Variants in INSR observed in about 807,000 individuals in gnomAD.
INSR encodes insulin receptor, also known as IR.
Under a neutral mutation model 142.6 loss-of-function variants are expected in INSR, and 67 were observed. The ratio of observed to expected loss-of-function variants is 0.47; its 90% CI spans 0.39 to 0.58. The LOEUF (loss-of-function observed/expected upper bound fraction) is 0.58, where lower values mean the gene tolerates loss of function less well. INSR is among the 20% of genes least tolerant of loss of function. The probability of loss-of-function intolerance (pLI) is 0.00; values close to 1 mark genes in which losing one functional copy is unlikely to be tolerated. For synonymous variants in INSR, 756 were observed against 743.1 expected (o/e 1.02, Z -0.28); for missense variants, 1,248 against 1,833.2 (o/e 0.68, Z 5.83).
intron 5 of INSR, among the ~76,000 whole-genome samples, chr19:7,171,640 T>C (rs1329304487): frequency 1.3e-5 from 2 of 152,078 alleles, no homozygotes; most frequent in African/African-American, 4.8e-5. Context: ...GAATGTTCAT[T>C]TTATGCATGC....
chr19:7,162,150 A>C (rs1368049919), intron 9 of INSR, among the ~76,000 whole-genome samples: 2 of 151,690 alleles, frequency 1.3e-5, no homozygotes, highest in Non-Finnish European at 2.9e-5. Context: ...AACATGGTGA[A>C]ACCCCATCTC....
At chr19:7,259,231 A>G (rs1415535825) in intron 2 of INSR, among the ~76,000 whole-genome samples, 3 of 121,790 alleles carry the variant, frequency 2.5e-5, no homozygotes, top group Admixed American at 1.6e-4. Flanking sequence ...CATTTCACCA[A>G]CTTCCCGCAA....
intron 2 of INSR, among the ~76,000 whole-genome samples, chr19:7,194,707 G>T (rs1313748906): frequency 1.4e-5 from 2 of 140,854 alleles, no homozygotes; most frequent in African/African-American, 2.7e-5. Context: ...TTTTAGTGGA[G>T]AAGCGGTTTC....
rs1975447371 is a variant in INSR at position 7,216,784 on chromosome 19, C to T, written c.653-32147G>A. 6.6e-6 allele frequency among the ~76,000 whole-genome samples: 1 copy of T among 152,180 alleles called. No individual in the cohort carries two copies. The highest frequency in any genetic ancestry group is 1.5e-5 in the Non-Finnish European group (1 of 68,038). On this transcript the variant is annotated intron_variant, in intron 2 of 21. Coordinates refer to ENST00000302850, the MANE Select transcript of INSR (RefSeq NM_000208.4). The surrounding 1 kb of genome is among the most constrained non-coding windows in gnomAD (Gnocchi z 4.2). ...TATCCATTTCCCATTGCTGCTGTCA[C>T]AAACGCCCACAAATGTAAAACGACA...
At chr19:7,184,277 T>C (rs1228303946) in intron 3 of INSR, 39 bp downstream of exon 3, 1 of 1,581,708 alleles carries the variant, frequency 6.3e-7, no homozygotes, top group East Asian at 2.2e-5. Context: ...ACGTTCCTTC[T>C]CCTCTCGGCT....
At position 7,207,948 on chromosome 19, in the gene INSR, G is replaced by GGGAGGGAA. The variant is rs1975159714; in HGVS notation, c.653-23312_653-23311insTTCCCTCC. On this transcript the variant is annotated intron_variant, in intron 2 of 21. Transcript: ENST00000302850. ...AGGAAGGAAGGAAGGAAGGGAAGGAGGGAGGGAGGGAGGGAGGGAGGCAAA... is the reference window on the plus strand; with the variant it reads ...AGGAAGGAAGGAAGGAAGGGAAGGAGGGAGGGAAGGAGGGAGGGAGGGAGGGAGGCAAA... Among the ~76,000 whole-genome samples, 78 of 124,172 alleles carry GGGAGGGAA rather than the reference G, an allele frequency of 6.3e-4. 1 individual carries two copies. Among genetic ancestry groups the GGGAGGGAA allele is most frequent in the Non-Finnish European group, 8.3e-4 (50 of 60,592 alleles). 81.5% of individuals were successfully genotyped at this position (124,172 alleles called of 152,430 possible).
chr19:7,175,225 A>G (rs937181575), intron 3 of INSR, among the ~76,000 whole-genome samples: 1 of 152,048 alleles, frequency 6.6e-6, no homozygotes, highest in African/African-American at 2.4e-5. Context: ...AAAAATGTAG[A>G]TTCTGGAGCC....
rs993825127 is a variant in INSR, at chr19:7,283,628, C to G, written c.100+10164G>C. Among the ~76,000 whole-genome samples the G allele has an allele frequency of 2.6e-5, 4 of 152,068 alleles. No homozygotes were observed. The East Asian group carries it at 7.7e-4, about 29-fold the overall frequency. On this transcript the variant is annotated intron_variant, in intron 1 of 21. Transcript: ENST00000302850. ...CTAATTTTTGTATTTTTAGTAGAGA[C>G]GGGGTTTCACCATTTTGGCCAGGCT...
Position 7,120,736 on chromosome 19 carries a change from G to T in INSR, c.3543C>A (p.Thr1181=). 1 of 1,613,870 alleles carries T rather than the reference G, an allele frequency of 6.2e-7. No homozygotes were observed. The highest frequency in any genetic ancestry group is 8.5e-7 in the Non-Finnish European group (1 of 1,179,888). The change falls in exon 20 of 22, where the codon ACC becomes ACA. Residue 1181 remains threonine (T), a synonymous_variant. Coordinates refer to ENST00000302850, the MANE Select transcript of INSR (RefSeq NM_000208.4). ...FTVKIGDFGM[T]RDIYETDYYR... is the part of the protein sequence containing the mutation. ...AGTAATCCGTTTCATAGATGTCTCTGGTCATTCCAAAGTCTGACAACACAA... is the reference window on the plus strand; with the variant it reads ...AGTAATCCGTTTCATAGATGTCTCTTGTCATTCCAAAGTCTGACAACACAA...
At position 7,114,039 on chromosome 19, in the gene INSR, T is replaced by G; in HGVS notation, c.*3017A>C. The G allele has an allele frequency of 8.9e-6, 1 of 111,950 alleles. No individual in the cohort carries two copies. Among genetic ancestry groups the G allele is most frequent in the African/African-American group, 3.5e-5 (1 of 28,828 alleles). 6.9% of individuals were successfully genotyped at this position (111,950 alleles called of 1,614,324 possible). A position where few individuals can be genotyped will look rare whatever the true frequency, so the allele number is the denominator to read the frequency against. On this transcript the variant is annotated 3_prime_UTR_variant, in exon 22 of 22. Transcript: ENST00000302850. ...CAAACCCCAACACAGAGGTCCAAGG[T>G]GTTGTTGCAAAAAAAAAAAAAAAAA...
At chr19:7,170,875 G>A (rs900406687) in intron 5 of INSR, 124 bp from the exon 6 acceptor site, 3 of 807,608 alleles carry the variant, frequency 3.7e-6, no homozygotes, top group Non-Finnish European at 6.6e-6. Context: ...CACTTGCTTG[G>A]CACATACTCA....
intron 4 of INSR, among the ~76,000 whole-genome samples, chr19:7,172,695 A>G (rs1974046168): frequency 6.6e-6 from 1 of 151,982 alleles, no homozygotes; most frequent in South Asian, 2.1e-4. Context: ...TTGTTCCATC[A>G]TCATCTCAAA....
At chr19:7,133,960 C>T (rs1429104739) in intron 13 of INSR, among the ~76,000 whole-genome samples, 1 of 152,148 alleles carries the variant, frequency 6.6e-6, no homozygotes, top group Non-Finnish European at 1.5e-5. Flanking sequence ...TGGGATATAG[C>T]TTACTGACTG....
At chr19:7,208,570 T>C (rs934833950) in intron 2 of INSR, among the ~76,000 whole-genome samples, 1 of 152,082 alleles carries the variant, frequency 6.6e-6, no homozygotes, top group African/African-American at 2.4e-5. Context: ...CTCAAGCCAG[T>C]GAGAAAACAA....
chr19:7,258,483 G>A (rs1281706838), intron 2 of INSR, among the ~76,000 whole-genome samples: 1 of 149,224 alleles, frequency 6.7e-6, no homozygotes, highest in East Asian at 1.9e-4. Context: ...GACTGGATTT[G>A]GCCCACAGGT....
chr19:7,293,909 G>T lies in INSR; in HGVS notation c.-18C>A, dbSNP rs1392063002. On this transcript the variant is annotated 5_prime_UTR_variant, in exon 1 of 22. Coordinates refer to ENST00000302850, the MANE Select transcript of INSR (RefSeq NM_000208.4). ...GTGGCCATGGCTGCGGGAGCGCGGG[G>T]TCTCCTCGGATCAGAGCGCGCGGCG... 8.3e-7 allele frequency: 1 copy of T among 1,208,058 alleles called. No individual in the cohort carries two copies. The highest frequency in any genetic ancestry group is 1.0e-6 in the Non-Finnish European group (1 of 977,684). The allele number at this position is 1,208,058 out of a possible 1,614,324, so 74.8% of individuals were successfully genotyped here. A position where few individuals can be genotyped will look rare whatever the true frequency, so the allele number is the denominator to read the frequency against.
At chr19:7,152,977 A>T in intron 9 of INSR, 50 bp from the exon 10 acceptor site, 1 of 1,161,350 alleles carries the variant, frequency 8.6e-7, no homozygotes, top group Non-Finnish European at 1.2e-6. Flanking sequence ...GGCTGAACAC[A>T]CATACACACA....
At chr19:7,261,494 C>T (rs537103182) in intron 2 of INSR, among the ~76,000 whole-genome samples, 1 of 152,112 alleles carries the variant, frequency 6.6e-6, no homozygotes, top group South Asian at 2.1e-4. Context: ...TAGCACATGC[C>T]ATGTTTTTTT....
intron 3 of INSR, among the ~76,000 whole-genome samples, chr19:7,183,447 A>G (rs151124086): frequency 6.6e-6 from 1 of 152,278 alleles, no homozygotes; most frequent in Non-Finnish European, 1.5e-5. Flanking sequence ...TGTCGAAGAG[A>G]GAAAACCCTG....
Sources: gnomAD v4.1 joint callset for allele counts (sites outside exome capture counted in the v4.1 genomes callset) on GRCh38, gnomAD v4.1.1 for gene constraint, Gnocchi (gnomAD v3.1) non-coding constraint, MANE v1.5 for transcripts, NCBI Gene and HGNC (gene_info 2026-07-23, HGNC 2026-07-21) for gene names.